The following RBFOX1 variants were observed in gnomAD, a reference collection of about 807,000 sequenced individuals.
RBFOX1 encodes the protein RNA binding protein fox-1 homolog 1.
Under a neutral mutation model 57.7 loss-of-function variants are expected in RBFOX1, and 8 were observed. The observed-to-expected ratio is 0.14, with a 90% CI of 0.08 to 0.25. The LOEUF is 0.25. RBFOX1 is among the 10% of genes least tolerant of loss of function. The pLI, the probability that RBFOX1 is intolerant of heterozygous loss-of-function variation, is 1.00. For synonymous variants in RBFOX1, 326 were observed against 222.4 expected, an observed-to-expected ratio of 1.47 and a Z score of -4.15; for missense variants, 611 against 548.5, an observed-to-expected ratio of 1.11 and a Z score of -1.14.
intron 1 of RBFOX1, among the ~76,000 whole-genome samples, chr16:5,303,205 C>T (rs2063847134): frequency 6.6e-6 from 1 of 152,172 alleles, no homozygotes; most frequent in South Asian, 2.1e-4. Flanking sequence ...GGATGCCTCA[C>T]TGGTTTTATT....
chr16:5,650,687 G>A (rs2049206754), intron 3 of RBFOX1, among the ~76,000 whole-genome samples: 1 of 151,662 alleles, frequency 6.6e-6, no homozygotes, highest in South Asian at 2.1e-4. Flanking sequence ...GGGTTACCAG[G>A]AGCCTACCTT....
chr16:6,667,654 G>C (rs1198213723), intron 3 of RBFOX1, among the ~76,000 whole-genome samples: 1 of 152,132 alleles, frequency 6.6e-6, no homozygotes, highest in East Asian at 1.9e-4. Context: ...ACACAAGTGG[G>C]AGGATTACTT....
At chr16:7,171,623 C>A (rs1398912725) in intron 4 of RBFOX1, among the ~76,000 whole-genome samples, 1 of 152,156 alleles carries the variant, frequency 6.6e-6, no homozygotes, top group Non-Finnish European at 1.5e-5. Context: ...TTATCAATGA[C>A]ATGGAAGGGG....
chr16:6,223,927 C>G (rs897601051), intron 1 of RBFOX1, among the ~76,000 whole-genome samples: 1 of 152,174 alleles, frequency 6.6e-6, no homozygotes. Flanking sequence ...TATGGCTAGC[C>G]AGTTTTCCCA....
intron 2 of RBFOX1, among the ~76,000 whole-genome samples, chr16:5,593,420 C>T (rs563861871): frequency 6.6e-6 from 1 of 152,184 alleles, no homozygotes; most frequent in African/African-American, 2.4e-5. Context: ...CAGCAAACCA[C>T]CATGGCACAT....
chr16:5,458,495 A>T (rs548936186), intron 1 of RBFOX1, among the ~76,000 whole-genome samples: 10 of 152,360 alleles, frequency 6.6e-5, no homozygotes, highest in Non-Finnish European at 1.2e-4. Flanking sequence ...TATCTCATTT[A>T]ATTCTCATTA....
At chr16:6,363,889 G>A (rs541253045) in intron 2 of RBFOX1, among the ~76,000 whole-genome samples, 1 of 152,210 alleles carries the variant, frequency 6.6e-6, no homozygotes, top group South Asian at 2.1e-4. Context: ...ATGAAACTAG[G>A]TCTACATAGG....
chr16:5,850,333 T>C (rs1444291978), intron 3 of RBFOX1, among the ~76,000 whole-genome samples: 1 of 152,202 alleles, frequency 6.6e-6, no homozygotes, highest in East Asian at 1.9e-4. Flanking sequence ...AAAATGGAGC[T>C]GATATTGTGG....
intron 4 of RBFOX1, among the ~76,000 whole-genome samples, chr16:7,415,792 A>G (rs1204672833): frequency 6.6e-6 from 1 of 152,140 alleles, no homozygotes; most frequent in Non-Finnish European, 1.5e-5. Flanking sequence ...AAGAGTATAT[A>G]TATATCTTTC....
Position 6,078,005 on chromosome 16 carries a change from A to G in RBFOX1, c.-127+58013A>G, listed in dbSNP as rs549782127. ...AGAACTTTAATTCCCGGGTAGATGT[A>G]TCTGAATCTGAGACTGAACATTTTG... is the stretch of plus-strand genomic sequence containing the variant. On this transcript the variant is annotated intron_variant, in intron 1 of 15. Coordinates refer to ENST00000550418, the MANE Select transcript of RBFOX1 (RefSeq NM_018723.4). Among the ~76,000 whole-genome samples the G allele has an allele frequency of 1.1e-4, 16 of 152,238 alleles. 1 individual carries two copies. The South Asian group carries it at 2.3e-3, about 22-fold the overall frequency.
intron 4 of RBFOX1, among the ~76,000 whole-genome samples, chr16:5,992,163 GAAAA>G (rs200237630): frequency 6.7e-6 from 1 of 148,228 alleles, no homozygotes. Context: ...AAATTCTGAA[GAAAA>G]AAAAAGAGAA....
At chr16:7,595,274 AT>A (rs2094628056) in intron 7 of RBFOX1, among the ~76,000 whole-genome samples, 1 of 151,872 alleles carries the variant, frequency 6.6e-6, no homozygotes, top group South Asian at 2.1e-4. Context: ...CGTTAGATTT[AT>A]TTTCTTCTGT....
intron 3 of RBFOX1, among the ~76,000 whole-genome samples, chr16:5,846,181 T>TA (rs60988421): frequency 0.065 from 8,571 of 132,340 alleles, 327 homozygotes; most frequent in Admixed American, 0.1. Context: ...GGCACTGTCT[T>TA]AAAAAAAAAA....
chr16:7,098,674 G>A (rs952098993), intron 4 of RBFOX1, among the ~76,000 whole-genome samples: 2 of 152,154 alleles, frequency 1.3e-5, no homozygotes, highest in Non-Finnish European at 2.9e-5. Flanking sequence ...GATCTTGGCT[G>A]GGTGGTGGCT....
At chr16:6,950,593 T>A (rs1192223883) in intron 3 of RBFOX1, among the ~76,000 whole-genome samples, 1 of 152,184 alleles carries the variant, frequency 6.6e-6, no homozygotes, top group African/African-American at 2.4e-5. Context: ...AGCATTAAGA[T>A]AATACAATAT....
rs989287101 is a variant in RBFOX1 at position 6,965,404 on chromosome 16, G to A, written c.-15-86653G>A. 1.1e-4 allele frequency among the ~76,000 whole-genome samples: 16 copies of A among 151,840 alleles called. 1 individual carries two copies. The highest frequency in any genetic ancestry group is 3.1e-4 in the African/African-American group (13 of 41,390). ...GTTTCCCAGGCTGTAGTGCAGTGGC[G>A]TGATCTCAGCTTACTGCAGCCTCCC... On this transcript the variant is annotated intron_variant, in intron 3 of 15. Coordinates refer to ENST00000550418, the MANE Select transcript of RBFOX1 (RefSeq NM_018723.4).
At chr16:6,632,791 A>G (rs917938577) in intron 2 of RBFOX1, among the ~76,000 whole-genome samples, 4 of 152,228 alleles carry the variant, frequency 2.6e-5, no homozygotes. Context: ...TGACTTTATC[A>G]GCCTTGGCTC....
intron 2 of RBFOX1, among the ~76,000 whole-genome samples, chr16:6,615,988 T>G (rs141714030): frequency 4.1e-4 from 63 of 152,282 alleles, no homozygotes; most frequent in African/African-American, 1.4e-3. Context: ...CTTGCTGAAC[T>G]CTGATTCTGA....
intron 2 of RBFOX1, among the ~76,000 whole-genome samples, chr16:5,584,882 G>A (rs1251574024): frequency 6.6e-6 from 1 of 152,150 alleles, no homozygotes; most frequent in East Asian, 1.9e-4. Flanking sequence ...TGATTGTACA[G>A]ATGTGTGTAG....
Sources: gnomAD v4.1 joint callset for allele counts (sites outside exome capture counted in the v4.1 genomes callset) on GRCh38, gnomAD v4.1.1 for gene constraint, MANE v1.5 for transcripts, NCBI Gene and HGNC (gene_info 2026-07-23, HGNC 2026-07-21) for gene names.